Variants in PLCB1 observed in about 807,000 individuals in gnomAD.
PLCB1 encodes 1-phosphatidylinositol 4,5-bisphosphate phosphodiesterase beta-1.
Under a neutral mutation model 161.8 loss-of-function variants are expected in PLCB1, and 46 were observed. The ratio of observed to expected loss-of-function variants is 0.28; its 90% confidence interval spans 0.22 to 0.36. The LOEUF is 0.36. PLCB1 is among the 10% of genes least tolerant of loss of function. The probability of loss-of-function intolerance (pLI) is 1.00; values close to 1 mark genes in which losing one functional copy is unlikely to be tolerated. For synonymous variants in PLCB1, 517 were observed against 503.7 expected (o/e 1.03, Z -0.35); for missense variants, 1,016 against 1,472.5 (o/e 0.69, Z 5.07).
At chr20:8,522,254 C>G (rs997916910) in intron 3 of PLCB1, among the ~76,000 whole-genome samples, 24 of 152,184 alleles carry the variant, frequency 1.6e-4, no homozygotes, top group African/African-American at 5.8e-4. Context: ...TCTTCCCTTA[C>G]AAGCGTTTCC....
chr20:8,638,478 G>A (rs1988837590), intron 4 of PLCB1, among the ~76,000 whole-genome samples: 1 of 151,924 alleles, frequency 6.6e-6, no homozygotes, highest in Non-Finnish European at 1.5e-5. Context: ...TCTAAAATCA[G>A]TCAAGGAAAA....
At chr20:8,874,225 T>TACAC (rs56986559) in intron 31 of PLCB1, among the ~76,000 whole-genome samples, 2,865 of 132,442 alleles carry the variant, frequency 0.022, 45 homozygotes, top group South Asian at 0.073. Context: ...TATGTGTATG[T>TACAC]ACACACACAC....
At chr20:8,366,755 G>T (rs1315852978) in intron 2 of PLCB1, among the ~76,000 whole-genome samples, 1 of 149,432 alleles carries the variant, frequency 6.7e-6, no homozygotes, top group Non-Finnish European at 1.5e-5. Flanking sequence ...GGAAATAAAG[G>T]GTTCTTTTAG....
At chr20:8,688,563 G>C (rs1430718631) in intron 10 of PLCB1, among the ~76,000 whole-genome samples, 1 of 152,080 alleles carries the variant, frequency 6.6e-6, no homozygotes, top group Non-Finnish European at 1.5e-5. Flanking sequence ...TCCTACATGT[G>C]GCTAGCCAAT....
At position 8,390,035 on chromosome 20, in the gene PLCB1, C is replaced by A. The variant is rs141789327; in HGVS notation, c.246+18585C>A. 8.1e-3 allele frequency among the ~76,000 whole-genome samples: 1,226 copies of A among 152,176 alleles called. 8 individuals carry two copies. The highest frequency in any genetic ancestry group is 0.016 in the Admixed American group (244 of 15,286). ...TACAAAATATGCTTGTCAAAAGGAC[C>A]ACTTTTCAGTCAAGTTTTCCTTAAA... On this transcript the variant is annotated intron_variant, in intron 3 of 31. Transcript: ENST00000338037.
chr20:8,277,492 A>G (rs1982641216), intron 2 of PLCB1, among the ~76,000 whole-genome samples: 1 of 150,418 alleles, frequency 6.6e-6, no homozygotes, highest in South Asian at 2.1e-4. Flanking sequence ...CTACTCTAAT[A>G]TATTTCTTAG....
intron 4 of PLCB1, among the ~76,000 whole-genome samples, chr20:8,637,469 G>T (rs548646137): frequency 6.6e-6 from 1 of 152,226 alleles, no homozygotes; most frequent in African/African-American, 2.4e-5. Flanking sequence ...TACAGGAATG[G>T]AGTAGATTCA....
chr20:8,713,809 AT>A, intron 12 of PLCB1, among the ~76,000 whole-genome samples: 1 of 152,300 alleles, frequency 6.6e-6, no homozygotes, highest in South Asian at 2.1e-4. Context: ...CACCTGCAGC[AT>A]TAACAGCTCA....
chr20:8,644,256 A>G (rs1309415507), intron 4 of PLCB1, among the ~76,000 whole-genome samples: 3 of 140,644 alleles, frequency 2.1e-5, no homozygotes, highest in South Asian at 2.4e-4. Flanking sequence ...CTGGCCGCCC[A>G]TCGTCTGGGA....
intron 31 of PLCB1, among the ~76,000 whole-genome samples, chr20:8,830,613 A>G (rs1157162338): frequency 6.6e-6 from 1 of 152,182 alleles, no homozygotes; most frequent in African/African-American, 2.4e-5. Context: ...CCACCCACCC[A>G]TTACTTCATT....
chr20:8,667,075 G>A (rs897315992), intron 9 of PLCB1, among the ~76,000 whole-genome samples: 1 of 152,142 alleles, frequency 6.6e-6, no homozygotes, highest in Non-Finnish European at 1.5e-5. Flanking sequence ...TACCTACAAA[G>A]TAGTTGAGGA....
intron 3 of PLCB1, among the ~76,000 whole-genome samples, chr20:8,536,901 A>C (rs569290440): frequency 1.3e-5 from 2 of 152,210 alleles, no homozygotes; most frequent in Non-Finnish European, 2.9e-5. Flanking sequence ...ACAAGCTACC[A>C]CAGCAAAGAA....
At chr20:8,329,300 G>T (rs1474497463) in intron 2 of PLCB1, among the ~76,000 whole-genome samples, 1 of 150,464 alleles carries the variant, frequency 6.6e-6, no homozygotes, top group African/African-American at 2.4e-5. Flanking sequence ...GTGGCATTTT[G>T]TCTTAGCCTA....
intron 3 of PLCB1, among the ~76,000 whole-genome samples, chr20:8,551,832 T>C (rs1032934092): frequency 3.3e-5 from 5 of 152,120 alleles, no homozygotes; most frequent in Non-Finnish European, 7.3e-5. Flanking sequence ...AAACTATTTC[T>C]CTAGAACTCT....
At chr20:8,517,626 CTG>C (rs959257936) in intron 3 of PLCB1, among the ~76,000 whole-genome samples, 3 of 152,186 alleles carry the variant, frequency 2.0e-5, no homozygotes, top group African/African-American at 7.2e-5. Flanking sequence ...ACCTAAAACT[CTG>C]GGCCTCAATC....
intron 2 of PLCB1, among the ~76,000 whole-genome samples, chr20:8,321,123 A>G (rs1461026281): frequency 6.6e-6 from 1 of 152,188 alleles, no homozygotes; most frequent in Non-Finnish European, 1.5e-5. Context: ...GTTAGCAAAC[A>G]TAATTGAAAT....
intron 2 of PLCB1, among the ~76,000 whole-genome samples, chr20:8,206,685 A>G (rs1280664926): frequency 6.6e-6 from 1 of 152,056 alleles, no homozygotes; most frequent in Admixed American, 6.6e-5. Context: ...AATTATCTAA[A>G]TTGCTGTGCT....
At chr20:8,295,951 A>G (rs1343268800) in intron 2 of PLCB1, among the ~76,000 whole-genome samples, 1 of 151,932 alleles carries the variant, frequency 6.6e-6, no homozygotes, top group East Asian at 1.9e-4. Flanking sequence ...GGGTTCAAGC[A>G]ATCCTCCCAC....
At chr20:8,428,241 G>A (rs1390916983) in intron 3 of PLCB1, among the ~76,000 whole-genome samples, 1 of 150,046 alleles carries the variant, frequency 6.7e-6, no homozygotes, top group Non-Finnish European at 1.5e-5. Context: ...TTTTTTCTGT[G>A]ACAGAGTCTC....
Sources: gnomAD v4.1 joint callset for allele counts (sites outside exome capture counted in the v4.1 genomes callset) on GRCh38, gnomAD v4.1.1 for gene constraint, MANE v1.5 for transcripts, NCBI Gene and HGNC (gene_info 2026-07-23, HGNC 2026-07-21) for gene names.